The following ARID2 variants were observed in gnomAD, a reference collection of about 807,000 sequenced individuals.
The protein encoded by ARID2 is AT-rich interactive domain-containing protein 2.
In ARID2, 32 loss-of-function variants were observed where a neutral mutation model predicts 184.6. The ratio of observed to expected loss-of-function variants is 0.17; its 90% CI spans 0.13 to 0.23. The LOEUF is 0.23. ARID2 is among the 10% of genes least tolerant of loss of function. ARID2 has a pLI of 1.00. For synonymous variants in ARID2, 836 were observed against 772.6 expected (o/e 1.08, Z -1.36); for missense variants, 1,696 against 2,197.6 (o/e 0.77, Z 4.56).
At chr12:45,901,535 G>T (rs993119187) in intron 20 of ARID2, among the ~76,000 whole-genome samples, 3 of 152,082 alleles carry the variant, frequency 2.0e-5, no homozygotes, top group Non-Finnish European at 4.4e-5. Flanking sequence ...ATAACATCCT[G>T]TTCTTAGTGG....
At chr12:45,816,041 T>A (rs1942798601) in intron 4 of ARID2, among the ~76,000 whole-genome samples, 1 of 152,224 alleles carries the variant, frequency 6.6e-6, no homozygotes, top group African/African-American at 2.4e-5. Context: ...AAAAATGTAC[T>A]TGTGATATTT....
At chr12:45,874,529 A>G (rs770991012) in intron 16 of ARID2, among the ~76,000 whole-genome samples, 17 of 152,194 alleles carry the variant, frequency 1.1e-4, no homozygotes, top group South Asian at 2.1e-4. Flanking sequence ...AAATTTTATC[A>G]TAAGATTTTA....
rs751322926 is a variant in ARID2, at chr12:45,839,441, T to G, written c.1443T>G (p.Ile481Met). The G allele has an allele frequency of 1.2e-6, 2 of 1,614,140 alleles. No homozygotes were observed. Among genetic ancestry groups the G allele is most frequent in the South Asian group, 1.1e-5 (1 of 91,082 alleles). The stretch of plus-strand genomic sequence containing the variant: ...CCAGTCATCAAATGTTATCTGAAAT[T>G]AGGCCACAAGCTATAGAGCAAGTCC... ...PSSSHQMLSE[I>M]RPQAIEQVQT... Residue 481 changes from isoleucine to methionine, a missense_variant, in exon 11 of 21, where the codon ATT (isoleucine) becomes ATG (methionine). Ile to Met is a conservative substitution (Grantham distance 10). Transcript: ENST00000334344.
chr12:45,822,614 TTTTTA>T (rs2138100614), intron 6 of ARID2, among the ~76,000 whole-genome samples: 1 of 152,274 alleles, frequency 6.6e-6, no homozygotes, highest in South Asian at 2.1e-4. Context: ...ACTACTTTAT[TTTTTA>T]TTTTCATTTA....
At chr12:45,870,106 CT>C (rs1943898847) in intron 16 of ARID2, among the ~76,000 whole-genome samples, 2 of 151,970 alleles carry the variant, frequency 1.3e-5, no homozygotes, top group African/African-American at 4.8e-5. Flanking sequence ...CTGCCTCAGC[CT>C]CCTGAGTAGC....
chr12:45,809,104 TAAC>T (rs760420783), intron 3 of ARID2, among the ~76,000 whole-genome samples: 9 of 152,328 alleles, frequency 5.9e-5, no homozygotes, highest in Admixed American at 1.3e-4. Flanking sequence ...TACTAAATGA[TAAC>T]AACTTATGAA....
chr12:45,797,980 G>A (rs960636771), intron 3 of ARID2, among the ~76,000 whole-genome samples: 3 of 151,964 alleles, frequency 2.0e-5, no homozygotes, highest in Non-Finnish European at 4.4e-5. Flanking sequence ...GAGGCTAACT[G>A]CTATTATAGT....
chr12:45,793,346 CTTT>C (rs11445315), intron 3 of ARID2, among the ~76,000 whole-genome samples: 2 of 151,224 alleles, frequency 1.3e-5, no homozygotes, highest in Admixed American at 6.6e-5. Flanking sequence ...CTTTTTAATA[CTTT>C]TTTTCTCTTT....
chr12:45,758,413 G>C (rs1941611318), intron 3 of ARID2, among the ~76,000 whole-genome samples: 1 of 151,580 alleles, frequency 6.6e-6, no homozygotes, highest in African/African-American at 2.4e-5. Context: ...AAGCTCATCA[G>C]CGATTGTTAG....
chr12:45,821,541 A>G (rs1942896512), intron 6 of ARID2, 54 bp downstream of exon 6: 1 of 1,136,524 alleles, frequency 8.8e-7, no homozygotes, highest in African/African-American at 1.6e-5. Context: ...AGCTAAGCCA[A>G]CAATAGATCA....
At chr12:45,810,815 C>T (rs1410550993) in intron 3 of ARID2, among the ~76,000 whole-genome samples, 1 of 152,112 alleles carries the variant, frequency 6.6e-6, no homozygotes, top group Non-Finnish European at 1.5e-5. Context: ...AATAAAGGTA[C>T]TATTCATCTA....
chr12:45,804,894 G>C (rs938179376), intron 3 of ARID2, among the ~76,000 whole-genome samples: 7 of 151,756 alleles, frequency 4.6e-5, no homozygotes. Flanking sequence ...AAATATATTC[G>C]ATTTTTTGCA....
intron 3 of ARID2, among the ~76,000 whole-genome samples, chr12:45,746,958 A>G (rs1941371089): frequency 6.6e-6 from 1 of 152,034 alleles, no homozygotes; most frequent in African/African-American, 2.4e-5. Flanking sequence ...TTAGGTAGAG[A>G]TGGGGTTTCA....
In ARID2 at chr12:45,730,064, C is replaced by T. The variant is rs768151419; in HGVS notation, c.113C>T (p.Pro38Leu). The T allele has an allele frequency of 6.2e-7, 1 of 1,613,606 alleles. No homozygotes were observed. The highest frequency in any genetic ancestry group is 8.5e-7 in the Non-Finnish European group (1 of 1,179,746). The change falls in exon 2 of 21, where the codon CCT becomes CTT. Residue 38 changes from proline to leucine, a missense_variant. This residue lies in a region of ARID2 where 54 missense variants were observed against 59.9 expected (regional missense o/e 0.90). Transcript: ENST00000334344. ...HSRGSPFKKIPAVGGKELDLH... is the reference protein window; with the variant it reads ...HSRGSPFKKILAVGGKELDLH... ...CGCAGGTCGCCTTTTAAAAAAATCC[C>T]TGCGGTGGGTGGGAAGGAGCTGGAT...
intron 11 of ARID2, among the ~76,000 whole-genome samples, chr12:45,844,766 C>A (rs753035851): frequency 2.6e-5 from 4 of 152,178 alleles, no homozygotes; most frequent in Non-Finnish European, 5.9e-5. Context: ...ATTGTATGGA[C>A]AGAGTTATTT....
At chr12:45,812,347 A>C (rs1393920551) in intron 4 of ARID2, among the ~76,000 whole-genome samples, 1 of 151,998 alleles carries the variant, frequency 6.6e-6, no homozygotes. Flanking sequence ...ATACTGTCTC[A>C]TTTGTGGACT....
intron 3 of ARID2, among the ~76,000 whole-genome samples, chr12:45,801,625 T>C (rs1942503105): frequency 6.6e-6 from 1 of 152,206 alleles, no homozygotes; most frequent in African/African-American, 2.4e-5. Context: ...CTTCAAAAAA[T>C]ACATTCTCTG....
At chr12:45,748,091 G>A (rs1344119204) in intron 3 of ARID2, among the ~76,000 whole-genome samples, 22 of 152,204 alleles carry the variant, frequency 1.4e-4, no homozygotes, top group Admixed American at 1.4e-3. Context: ...GCCAGGTGTG[G>A]TGGCTCAACG....
intron 20 of ARID2, among the ~76,000 whole-genome samples, chr12:45,902,131 G>C (rs1944468168): frequency 6.6e-6 from 1 of 152,164 alleles, no homozygotes; most frequent in African/African-American, 2.4e-5. Context: ...GGATATTAGA[G>C]TGACCCAATA....
Sources: gnomAD v4.1 joint callset for allele counts (sites outside exome capture counted in the v4.1 genomes callset) on GRCh38, gnomAD v4.1.1 for gene constraint, gnomAD v4.1.1 regional missense constraint, MANE v1.5 for transcripts, NCBI Gene and HGNC (gene_info 2026-07-23, HGNC 2026-07-21) for gene names.